Variants in PDZD2 observed in about 807,000 individuals in gnomAD.
PDZD2 encodes the protein PDZ domain-containing protein 2.
PDZD2 carries 90 observed loss-of-function variants against 220.7 expected under a neutral mutation model. The observed-to-expected ratio is 0.41, with a 90% CI of 0.34 to 0.49. PDZD2 has a LOEUF of 0.49. PDZD2 is among the 20% of genes least tolerant of loss of function. PDZD2 has a pLI of 0.28. For missense variants in PDZD2, 3,174 were observed against 3,608.5 expected, an observed-to-expected ratio of 0.88 and a Z score of 3.08; for synonymous variants, 1,375 against 1,450.5, an observed-to-expected ratio of 0.95 and a Z score of 1.18.
In PDZD2 at chr5:32,108,746, A is replaced by C. The variant is rs75449614; in HGVS notation, c.*611A>C. On this transcript the variant is annotated 3_prime_UTR_variant, in exon 25 of 25. Transcript: ENST00000438447. Reference sequence around the variant, plus strand: ...CAAAAAGGAAAAAGCAAAATAATTAATTGAGAGTATTTTTTAGTGAGTGTA... The same window carrying C: ...CAAAAAGGAAAAAGCAAAATAATTACTTGAGAGTATTTTTTAGTGAGTGTA... 1 of 152,788 alleles carries C rather than the reference A, an allele frequency of 6.5e-6. No individual in the cohort carries two copies. The highest frequency in any genetic ancestry group is 2.4e-5 in the African/African-American group (1 of 41,580). 9.5% of individuals were successfully genotyped at this position (152,788 alleles called of 1,614,324 possible).
chr5:32,000,099 G>A lies in PDZD2; in HGVS notation c.1122-40G>A, dbSNP rs1166368990. The A allele has an allele frequency of 4.4e-6, 7 of 1,608,004 alleles. No homozygotes were observed. The South Asian group carries it at 5.5e-5, about 13-fold the overall frequency. Reference sequence around the variant, plus strand: ...AAATGGCCCTTCTCAGGCCCAGAATGTCTTGACAAGGGATCTTTTTCCCAT... The same window carrying A: ...AAATGGCCCTTCTCAGGCCCAGAATATCTTGACAAGGGATCTTTTTCCCAT... On this transcript the variant is annotated intron_variant, in intron 4 of 24. Coordinates refer to ENST00000438447, the MANE Select transcript of PDZD2 (RefSeq NM_178140.4). This position sits in a 1 kb window ranked among gnomAD's most constrained non-coding sequence, Gnocchi z 4.5.
chr5:32,071,520 A>G (rs1440886881), intron 16 of PDZD2, 102 bp downstream of exon 16: 4 of 887,622 alleles, frequency 4.5e-6, no homozygotes, highest in Non-Finnish European at 7.5e-6. Context: ...GTTTCTGCCC[A>G]TGAGTCATTT....
At position 31,667,257 on chromosome 5, in the gene PDZD2, A is replaced by AAG. The variant is rs1554060941; in HGVS notation, c.-361+27820_-361+27821insAG. On this transcript the variant is annotated intron_variant, in intron 1 of 24. Coordinates refer to ENST00000438447, the MANE Select transcript of PDZD2 (RefSeq NM_178140.4). ...TCTCAAAAAAAAAAAAAAAAAAAAA[A>AAG]GAGTACCTGCTGCCTGCTGTGTGCC... 1.9e-4 allele frequency among the ~76,000 whole-genome samples: 29 copies of AAG among 149,532 alleles called. 1 individual carries two copies. Among genetic ancestry groups the AAG allele is most frequent in the African/African-American group, 7.2e-4 (29 of 40,474 alleles).
intron 24 of PDZD2, 61 bp downstream of exon 24, chr5:32,101,300 A>C: frequency 5.9e-5 from 82 of 1,400,494 alleles, no homozygotes; most frequent in Non-Finnish European, 7.1e-5. Context: ...TGGATGTCTC[A>C]ATGAAAAAAA....
At chr5:31,812,020 A>T (rs1050300740) in intron 2 of PDZD2, among the ~76,000 whole-genome samples, 7 of 150,224 alleles carry the variant, frequency 4.7e-5, no homozygotes, top group Non-Finnish European at 7.4e-5. Context: ...ATAAATAAAT[A>T]AATAAATAAA....
In PDZD2 at chr5:32,109,802, C is replaced by T. The variant is rs1745200278; in HGVS notation, c.*1667C>T. 6.6e-6 allele frequency: 1 copy of T among 152,594 alleles called. No homozygotes were observed. The highest frequency in any genetic ancestry group is 1.5e-5 in the Non-Finnish European group (1 of 68,040). The allele number at this position is 152,594 out of a possible 1,614,324, so 9.5% of individuals were successfully genotyped here. On this transcript the variant is annotated 3_prime_UTR_variant, in exon 25 of 25. Transcript: ENST00000438447. The stretch of plus-strand genomic sequence containing the variant: ...GGCTTTAGCCATCAGCTTTGTACAT[C>T]ATCATTTTTCTGAATGACCAATCCC...
intron 1 of PDZD2, among the ~76,000 whole-genome samples, chr5:31,665,304 TC>T (rs770450118): frequency 5.3e-5 from 8 of 152,176 alleles, no homozygotes; most frequent in Non-Finnish European, 8.8e-5. Flanking sequence ...TTCTCCCACT[TC>T]ACCTTGCCCT....
At chr5:32,086,490 AAAT>A (rs1742458239) in intron 19 of PDZD2, among the ~76,000 whole-genome samples, 1 of 152,194 alleles carries the variant, frequency 6.6e-6, no homozygotes, top group African/African-American at 2.4e-5. Flanking sequence ...GCCATCATAG[AAAT>A]ACCAAAAGAG....
At chr5:32,039,420 A>T (rs1208510850) in intron 7 of PDZD2, among the ~76,000 whole-genome samples, 4 of 150,100 alleles carry the variant, frequency 2.7e-5, no homozygotes, top group Non-Finnish European at 5.9e-5. Flanking sequence ...AATGTTGCCC[A>T]GGCTGGAATG....
chr5:31,938,590 T>G (rs1191893535), intron 2 of PDZD2, among the ~76,000 whole-genome samples: 1 of 152,170 alleles, frequency 6.6e-6, no homozygotes, highest in Non-Finnish European at 1.5e-5. Context: ...AGTCATTCAC[T>G]TCTTTCTCTT....
chr5:31,838,416 A>G (rs1166065662), intron 2 of PDZD2, among the ~76,000 whole-genome samples: 1 of 152,226 alleles, frequency 6.6e-6, no homozygotes, highest in African/African-American at 2.4e-5. Context: ...AAAGAGATCC[A>G]TATAATCACG....
In PDZD2 at chr5:32,098,791, G is replaced by A. The variant is rs963425340; in HGVS notation, c.8218+157G>A. ...TGTTTGGATGCTGCTTACAAAAGCA[G>A]TGTTACAAATAAATTAGAAAAAAAT... On this transcript the variant is annotated intron_variant, in intron 23 of 24. Transcript: ENST00000438447. The surrounding 1 kb of genome is among the most constrained non-coding windows in gnomAD (Gnocchi z 4.1). 2.0e-5 allele frequency among the ~76,000 whole-genome samples: 3 copies of A among 152,230 alleles called. No individual in the cohort carries two copies. Among genetic ancestry groups the A allele is most frequent in the African/African-American group, 7.2e-5 (3 of 41,462 alleles).
chr5:31,693,685 G>A (rs985023333), intron 1 of PDZD2, among the ~76,000 whole-genome samples: 5 of 152,138 alleles, frequency 3.3e-5, no homozygotes, highest in Non-Finnish European at 7.3e-5. Context: ...GAAGCCAGGA[G>A]TTACTTTGTT....
chr5:32,030,491 CT>C (rs1224869324), intron 6 of PDZD2, among the ~76,000 whole-genome samples: 1 of 152,218 alleles, frequency 6.6e-6, no homozygotes, highest in Non-Finnish European at 1.5e-5. Flanking sequence ...TTGGGAAAGA[CT>C]TAATTGAGTT....
intron 2 of PDZD2, among the ~76,000 whole-genome samples, chr5:31,861,415 C>T (rs1350307406): frequency 6.6e-6 from 1 of 152,178 alleles, no homozygotes; most frequent in Non-Finnish European, 1.5e-5. Context: ...TTTGAGCTGC[C>T]CGATTCCTCT....
chr5:31,666,049 G>C (rs915587697), intron 1 of PDZD2, among the ~76,000 whole-genome samples: 1 of 152,346 alleles, frequency 6.6e-6, no homozygotes, highest in South Asian at 2.1e-4. Flanking sequence ...CATCAGTTCA[G>C]GAACCTACAT....
intron 19 of PDZD2, 167 bp downstream of exon 19, chr5:32,077,773 A>C: frequency 1.7e-6 from 1 of 592,138 alleles, no homozygotes; most frequent in Non-Finnish European, 3.0e-6. Flanking sequence ...CCTGGCCAAC[A>C]TGGTGAAACC....
Position 32,074,449 on chromosome 5 carries a change from G to A in PDZD2, c.3343G>A (p.Gly1115Ser), listed in dbSNP as rs1413856195. 1.2e-6 allele frequency: 2 copies of A among 1,614,078 alleles called. No individual in the cohort carries two copies. Among genetic ancestry groups the A allele is most frequent in the Non-Finnish European group, 1.7e-6 (2 of 1,180,040 alleles). Reference protein sequence around the residue: ...SSPQQKSEGLGSRHRPVARVS... With the variant: ...SSPQQKSEGLSSRHRPVARVS... ...CCCCCAGCAGAAAAGTGAAGGCCTG[G>A]GCTCCAGGCACAGACCAGTGGCCAG... The change falls in exon 18 of 25, where the codon GGC becomes AGC. Residue 1115 changes from glycine to serine, a missense_variant. By Grantham distance (56) the Gly-to-Ser change is moderately conservative. Around this residue, in one of 4 missense-constraint regions of PDZD2, gnomAD observed 1,861 missense variants for 2,001.0 expected, o/e 0.93. Coordinates refer to ENST00000438447, the MANE Select transcript of PDZD2 (RefSeq NM_178140.4).
At chr5:32,076,288 G>GAAAAAAAAAAAAAAAAAAAAAAAAA in intron 18 of PDZD2, among the ~76,000 whole-genome samples, 1 of 87,932 alleles carries the variant, frequency 1.1e-5, no homozygotes, top group Non-Finnish European at 2.3e-5. Flanking sequence ...TCGGTCTCAA[G>GAAAAAAAAAAAAAAAAAAAAAAAAA]AAAAAAAAAA....
Sources: allele counts gnomAD v4.1 joint callset (sites outside exome capture counted in the v4.1 genomes callset), GRCh38; gene constraint gnomAD v4.1.1; regional missense constraint gnomAD v4.1.1; non-coding constraint Gnocchi (gnomAD v3.1); transcripts MANE v1.5; gene names NCBI Gene and HGNC (gene_info 2026-07-23, HGNC 2026-07-21).